DLGAP2: variants seen among roughly 807,000 people sequenced by gnomAD.
The protein encoded by DLGAP2 is DLG associated protein 2.
In DLGAP2, 26 loss-of-function variants were observed where a neutral mutation model predicts 100.3. The ratio of observed to expected loss-of-function variants is 0.26; its 90% CI spans 0.19 to 0.36. The LOEUF (loss-of-function observed/expected upper bound fraction) is 0.36, where lower values mean the gene tolerates loss of function less well. Among genes scored for constraint, DLGAP2 ranks in the 10% least tolerant of loss-of-function variants. DLGAP2 has a pLI of 1.00. For missense variants in DLGAP2, 1,858 were observed against 1,453.2 expected (o/e 1.28, Z -4.53); for synonymous variants, 886 against 630.1 (o/e 1.41, Z -6.08).
At chr8:1,625,695 C>G (rs946966428) in intron 6 of DLGAP2, among the ~76,000 whole-genome samples, 3 of 152,136 alleles carry the variant, frequency 2.0e-5, no homozygotes, top group Non-Finnish European at 2.9e-5. Context: ...GCTGAGTTTG[C>G]TATTATGCTG....
At chr8:1,434,484 GT>G (rs34246139) in intron 3 of DLGAP2, among the ~76,000 whole-genome samples, 3 of 149,468 alleles carry the variant, frequency 2.0e-5, no homozygotes, top group African/African-American at 2.5e-5. Flanking sequence ...TGGGTTTTGG[GT>G]TTTTTTTTTG....
intron 6 of DLGAP2, among the ~76,000 whole-genome samples, chr8:1,580,372 A>G (rs553116828): frequency 6.6e-6 from 1 of 152,226 alleles, no homozygotes; most frequent in Admixed American, 6.5e-5. Flanking sequence ...CAGGCTCGAC[A>G]TAACGAAGAA....
intron 1 of DLGAP2, among the ~76,000 whole-genome samples, chr8:806,222 G>A (rs371514978): frequency 6.6e-6 from 1 of 152,198 alleles, no homozygotes; most frequent in East Asian, 1.9e-4. Flanking sequence ...GTTGACAAAA[G>A]TAGAGACTTT....
chr8:894,308 A>G (rs888333579), intron 1 of DLGAP2, among the ~76,000 whole-genome samples: 1 of 152,090 alleles, frequency 6.6e-6, no homozygotes, highest in African/African-American at 2.4e-5. Flanking sequence ...TGTTACAGAG[A>G]CTGGTGTGAC....
intron 2 of DLGAP2, among the ~76,000 whole-genome samples, chr8:1,092,720 C>G (rs1272602784): frequency 6.6e-6 from 1 of 152,170 alleles, no homozygotes. Context: ...CAGAGAGGAA[C>G]CTGAGGTCCC....
chr8:1,129,909 A>G (rs1312800889), intron 2 of DLGAP2, among the ~76,000 whole-genome samples: 2 of 152,186 alleles, frequency 1.3e-5, no homozygotes, highest in Non-Finnish European at 2.9e-5. Context: ...GGGAACGCTG[A>G]CTGTGAATTC....
intron 6 of DLGAP2, among the ~76,000 whole-genome samples, chr8:1,575,461 A>G (rs1183850279): frequency 1.7e-5 from 2 of 117,400 alleles, no homozygotes; most frequent in African/African-American, 1.0e-4. Flanking sequence ...ATTCTTTATT[A>G]TTATTATTAT....
chr8:1,240,115 G>C (rs1295050809), intron 2 of DLGAP2, among the ~76,000 whole-genome samples: 1 of 146,426 alleles, frequency 6.8e-6, no homozygotes, highest in African/African-American at 2.6e-5. Context: ...GCCATGTCTA[G>C]TTACCTCTCA....
At position 1,520,582 on chromosome 8, in the gene DLGAP2, C is replaced by G. The variant is rs557222029; in HGVS notation, c.172+19151C>G. On this transcript the variant is annotated intron_variant, in intron 4 of 14. Transcript: ENST00000637795. Reference sequence around the variant, plus strand: ...GCCCTAAAAATCCTGCGTGCTCCCCCTATTCATCCCTCCCTGCCCCCAACC... The same window carrying G: ...GCCCTAAAAATCCTGCGTGCTCCCCGTATTCATCCCTCCCTGCCCCCAACC... Among the ~76,000 whole-genome samples the G allele has an allele frequency of 6.3e-4, 96 of 152,268 alleles. 2 individuals are homozygous for G. Among genetic ancestry groups the G allele is most frequent in the Admixed American group, 3.5e-3 (54 of 15,302 alleles).
chr8:1,127,658 T>C lies in DLGAP2; in HGVS notation c.74-131193T>C, dbSNP rs563649736. 3.3e-5 allele frequency among the ~76,000 whole-genome samples: 5 copies of C among 152,346 alleles called. No individual in the cohort carries two copies. The South Asian group carries it at 1.0e-3, about 32-fold the overall frequency. ...CCCAGGCCCCTCCTTTCCCTGTCCC[T>C]GTGCAGAACCCTGGAGGGGAGAGAT... On this transcript the variant is annotated intron_variant, in intron 2 of 14. Transcript: ENST00000637795.
chr8:1,313,653 C>G (rs373847333), intron 3 of DLGAP2, among the ~76,000 whole-genome samples: 3 of 152,210 alleles, frequency 2.0e-5, no homozygotes, highest in African/African-American at 7.2e-5. Context: ...GCGGCAGGCT[C>G]TGTCCCGGGA....
chr8:1,218,756 T>G (rs1798260738), intron 2 of DLGAP2, among the ~76,000 whole-genome samples: 1 of 152,168 alleles, frequency 6.6e-6, no homozygotes, highest in African/African-American at 2.4e-5. Context: ...TCTTCATAAC[T>G]ATGAGCTTGG....
chr8:1,317,162 C>CT (rs201788523), intron 3 of DLGAP2, among the ~76,000 whole-genome samples: 2 of 123,644 alleles, frequency 1.6e-5, no homozygotes, highest in African/African-American at 3.3e-5. Context: ...AACTCGGCAG[C>CT]TTTAAAAATA....
At chr8:1,210,039 G>GAA (rs1175099524) in intron 2 of DLGAP2, among the ~76,000 whole-genome samples, 1,613 of 152,192 alleles carry the variant, frequency 0.011, 30 homozygotes, top group African/African-American at 0.037. Context: ...CATCCACCTC[G>GAA]CCCCAGTGTC....
intron 1 of DLGAP2, among the ~76,000 whole-genome samples, chr8:804,291 T>G (rs529932745): frequency 7.2e-5 from 11 of 152,352 alleles, no homozygotes; most frequent in Admixed American, 2.6e-4. Context: ...CGTCTGTGTC[T>G]TCTTAGATGT....
At chr8:900,722 G>C (rs1798235740) in intron 1 of DLGAP2, among the ~76,000 whole-genome samples, 1 of 152,212 alleles carries the variant, frequency 6.6e-6, no homozygotes, top group African/African-American at 2.4e-5. Flanking sequence ...TTTGTAGAGA[G>C]AAATTCCGGG....
At chr8:811,962 C>T (rs771862837) in intron 1 of DLGAP2, among the ~76,000 whole-genome samples, 3 of 152,354 alleles carry the variant, frequency 2.0e-5, no homozygotes, top group Middle Eastern at 3.4e-3. Flanking sequence ...CCGTCAAACA[C>T]GACATGATTG....
rs182833722 is a variant in DLGAP2, at chr8:850,261, C to T, written c.19-57651C>T. Among the ~76,000 whole-genome samples the T allele has an allele frequency of 6.6e-5, 10 of 152,090 alleles. No homozygotes were observed. In the East Asian group the frequency reaches 1.7e-3, roughly 26 times the overall value. The stretch of plus-strand genomic sequence containing the variant: ...AGAATATTTTAATTTTCATAATGTC[C>T]AGTTTATCACATTTTTAAATGCATT... On this transcript the variant is annotated intron_variant, in intron 1 of 14. Transcript: ENST00000637795.
At chr8:970,705 T>G (rs1799991372) in intron 2 of DLGAP2, among the ~76,000 whole-genome samples, 1 of 152,206 alleles carries the variant, frequency 6.6e-6, no homozygotes, top group African/African-American at 2.4e-5. Flanking sequence ...TTTTAACAAA[T>G]GGCTCTTAAA....
Sources: allele counts gnomAD v4.1 joint callset (sites outside exome capture counted in the v4.1 genomes callset), GRCh38; gene constraint gnomAD v4.1.1; transcripts MANE v1.5; gene names NCBI Gene and HGNC (gene_info 2026-07-23, HGNC 2026-07-21).